Variants in BLCAP observed in about 807,000 individuals in gnomAD.
The protein encoded by BLCAP is apoptosis inducing factor BLCAP.
In BLCAP, 1 loss-of-function variant was observed where a neutral mutation model predicts 5.7. That is an observed-to-expected ratio of 0.18 (90% CI 0.06 to 0.83). The LOEUF (loss-of-function observed/expected upper bound fraction) is 0.83. Ranked by LOEUF, BLCAP falls within the 40% of genes least tolerant of loss-of-function variation. The pLI is 0.71. For missense variants in BLCAP, 66 were observed against 107.6 expected (o/e 0.61, Z 1.71); for synonymous variants, 48 against 49.4 (o/e 0.97, Z 0.11).
intron 1 of BLCAP, among the ~76,000 whole-genome samples, chr20:37,522,116 A>G (rs1190699316): frequency 6.6e-6 from 1 of 151,310 alleles, no homozygotes; most frequent in Non-Finnish European, 1.5e-5. Context: ...ATTAGAGGAA[A>G]AAGCCCCTCG....
chr20:37,522,005 C>T (rs1050233150), intron 1 of BLCAP, among the ~76,000 whole-genome samples: 2 of 147,332 alleles, frequency 1.4e-5, no homozygotes, highest in Non-Finnish European at 3.0e-5. Flanking sequence ...AAGCACTTGG[C>T]AGAAAAAAAT....
intron 1 of BLCAP, chr20:37,522,937 G>A (rs907414408): frequency 6.8e-6 from 4 of 584,522 alleles, no homozygotes; most frequent in Admixed American, 3.1e-5. Flanking sequence ...CGACAATGAC[G>A]AAGATACCAG....
chr20:37,521,105 T>C lies in BLCAP; in HGVS notation c.-176-1755A>G. ...GGAACTCAGGAGGCGGGGGTCGGTA[T>C]GGAAAGAGCAGATGGATTATTTTTT... On this transcript the variant is annotated intron_variant, in intron 1 of 1. Coordinates refer to ENST00000373537, the MANE Select transcript of BLCAP (RefSeq NM_006698.4). The surrounding 1 kb of genome is among the most constrained non-coding windows in gnomAD (Gnocchi z 4.5). The C allele has an allele frequency of 3.5e-6, 2 of 576,106 alleles. No homozygotes were observed. The highest frequency in any genetic ancestry group is 6.2e-6 in the Non-Finnish European group (2 of 320,752). The allele number at this position is 576,106 out of a possible 1,614,324, so 35.7% of individuals were successfully genotyped here. A position where few individuals can be genotyped will look rare whatever the true frequency, so the allele number is the denominator to read the frequency against.
Position 37,518,912 on chromosome 20 carries a change from T to C in BLCAP, c.263A>G (p.Ter88=), listed in dbSNP as rs2147182123. The C allele has an allele frequency of 6.2e-7, 1 of 1,614,038 alleles. No homozygotes were observed. The highest frequency in any genetic ancestry group is 2.2e-5 in the East Asian group (1 of 44,878). The change falls in exon 2 of 2, where the codon TAA becomes TGA. Residue 88 remains the stop codon, a stop_retained_variant. Coordinates refer to ENST00000373537, the MANE Select transcript of BLCAP (RefSeq NM_006698.4). ...SAHDPGVVGT[*] ...TTGGAAAGCTAACAGGGCAGGCCGT[T>C]AGGTGCCCACAACGCCGGGATCATG...
Position 37,521,209 on chromosome 20 carries a change from T to G in BLCAP, c.-176-1859A>C. Reference sequence around the variant, plus strand: ...CCCAAGGCGCGCATGCGCACTTAGGTGGCGGGCGGGTACTTAAGGCGCGGC... The same window carrying G: ...CCCAAGGCGCGCATGCGCACTTAGGGGGCGGGCGGGTACTTAAGGCGCGGC... On this transcript the variant is annotated intron_variant, in intron 1 of 1. Coordinates refer to ENST00000373537, the MANE Select transcript of BLCAP (RefSeq NM_006698.4). This position sits in a 1 kb window ranked among gnomAD's most constrained non-coding sequence, Gnocchi z 4.5. 1 of 955,182 alleles carries G rather than the reference T, an allele frequency of 1.0e-6. No homozygotes were observed. Among genetic ancestry groups the G allele is most frequent in the Non-Finnish European group, 1.7e-6 (1 of 595,322 alleles). The allele number at this position is 955,182 out of a possible 1,614,324, so 59.2% of individuals were successfully genotyped here.
intron 1 of BLCAP, chr20:37,526,909 G>A (rs1458034522): frequency 6.6e-6 from 1 of 152,164 alleles, no homozygotes; most frequent in Non-Finnish European, 1.5e-5. Context: ...AAGGCTGACG[G>A]GATGACTGGA....
chr20:37,518,580 G>A lies in BLCAP; in HGVS notation c.*331C>T, dbSNP rs2071454631. On this transcript the variant is annotated 3_prime_UTR_variant, in exon 2 of 2. Coordinates refer to ENST00000373537, the MANE Select transcript of BLCAP (RefSeq NM_006698.4). ...TGACAATGAGACTGGCATTTTATCT[G>A]CCCCAGGTCACATTGGGGCAGCTGA... 3 of 263,734 alleles carry A rather than the reference G, an allele frequency of 1.1e-5. No individual in the cohort carries two copies. Among genetic ancestry groups the A allele is most frequent in the Non-Finnish European group, 2.2e-5 (3 of 136,440 alleles). The allele number at this position is 263,734 out of a possible 1,614,324, so 16.3% of individuals were successfully genotyped here. A position where few individuals can be genotyped will look rare whatever the true frequency, so the allele number is the denominator to read the frequency against.
intron 1 of BLCAP, among the ~76,000 whole-genome samples, chr20:37,524,991 G>A (rs1358753651): frequency 6.6e-6 from 1 of 152,196 alleles, no homozygotes; most frequent in African/African-American, 2.4e-5. Context: ...AGGACTTGAA[G>A]AGGATGTGCA....
rs999051912 is a variant in BLCAP at position 37,519,339 on chromosome 20, G to C, written c.-165C>G. On this transcript the variant is annotated 5_prime_UTR_variant, in exon 2 of 2. Coordinates refer to ENST00000373537, the MANE Select transcript of BLCAP (RefSeq NM_006698.4). Reference sequence around the variant, plus strand: ...TGGCTGTCAGCCCGGGATCACCAAGGCAGCAGGGATCCTGAAGAGAAAAGT... The same window carrying C: ...TGGCTGTCAGCCCGGGATCACCAAGCCAGCAGGGATCCTGAAGAGAAAAGT... 4 of 576,820 alleles carry C rather than the reference G, an allele frequency of 6.9e-6. No individual in the cohort carries two copies. In the Admixed American group the frequency reaches 1.6e-4, roughly 23 times the overall value. The allele number at this position is 576,820 out of a possible 1,614,324, so 35.7% of individuals were successfully genotyped here.
rs1379821558 is a variant in BLCAP at position 37,521,853 on chromosome 20, C to T, written c.-176-2503G>A. Among the ~76,000 whole-genome samples the T allele has an allele frequency of 7.4e-6, 1 of 135,842 alleles. No individual in the cohort carries two copies. The highest frequency in any genetic ancestry group is 1.6e-5 in the Non-Finnish European group (1 of 62,846). The allele number at this position is 135,842 out of a possible 152,430, so 89.1% of individuals were successfully genotyped here. ...ACATATAGCGCTTGCGGGGGTGGAA[C>T]AAAAAATAAGTTAGAAAAAGGCACT... On this transcript the variant is annotated intron_variant, in intron 1 of 1. Transcript: ENST00000373537. The surrounding 1 kb of genome is among the most constrained non-coding windows in gnomAD (Gnocchi z 4.5).
At position 37,518,692 on chromosome 20, in the gene BLCAP, A is replaced by G; in HGVS notation, c.*219T>C. On this transcript the variant is annotated 3_prime_UTR_variant, in exon 2 of 2. Coordinates refer to ENST00000373537, the MANE Select transcript of BLCAP (RefSeq NM_006698.4). ...GGACCTAGATGGGGACAGAACACAC[A>G]CAACCACAAGACCACCCACGACTAT... The G allele has an allele frequency of 1.5e-6, 1 of 658,246 alleles. No individual in the cohort carries two copies. Among genetic ancestry groups the G allele is most frequent in the Non-Finnish European group, 2.5e-6 (1 of 398,028 alleles). 40.8% of individuals were successfully genotyped at this position (658,246 alleles called of 1,614,324 possible).
chr20:37,522,189 A>AT (rs1555806945), intron 1 of BLCAP, among the ~76,000 whole-genome samples: 39,354 of 73,600 alleles, frequency 0.53, 6,270 homozygotes, highest in South Asian at 0.66. Context: ...ACAAAAAAAA[A>AT]AATAATAATA....
rs184667493 is a variant in BLCAP at position 37,526,284 on chromosome 20, G to A, written c.-177+1509C>T. Among the ~76,000 whole-genome samples the A allele has an allele frequency of 1.8e-3, 139 of 77,848 alleles. 1 individual carries two copies. The highest frequency in any genetic ancestry group is 4.9e-3 in the African/African-American group (99 of 20,154). The allele number at this position is 77,848 out of a possible 152,430, so 51.1% of individuals were successfully genotyped here. A position where few individuals can be genotyped will look rare whatever the true frequency, so the allele number is the denominator to read the frequency against. ...TTGCAGTTAACTTCCCCCCCCCACC[G>A]CCCCCACCCCCCCTCAGAGATTTAA... On this transcript the variant is annotated intron_variant, in intron 1 of 1. Transcript: ENST00000373537.
At chr20:37,522,180 C>CAAA (rs34619095) in intron 1 of BLCAP, among the ~76,000 whole-genome samples, 22 of 104,790 alleles carry the variant, frequency 2.1e-4, no homozygotes, top group African/African-American at 4.1e-4. Context: ...AATTGCTTTA[C>CAAA]AAAAAAAAAA....
chr20:37,521,246 C>A lies in BLCAP; in HGVS notation c.-176-1896G>T, dbSNP rs981846134. The A allele has an allele frequency of 2.1e-6, 3 of 1,404,570 alleles. No individual in the cohort carries two copies. The highest frequency in any genetic ancestry group is 3.0e-6 in the Non-Finnish European group (3 of 992,144). 87.0% of individuals were successfully genotyped at this position (1,404,570 alleles called of 1,614,324 possible). ...ACTTAAGGCGCGGCCACCGCGGCTG[C>A]GGCAGTGCGCCCAACAGCGGACTCC... On this transcript the variant is annotated intron_variant, in intron 1 of 1. Transcript: ENST00000373537. The surrounding 1 kb of genome is among the most constrained non-coding windows in gnomAD (Gnocchi z 4.5).
intron 1 of BLCAP, among the ~76,000 whole-genome samples, chr20:37,522,155 C>T (rs186936870): frequency 5.7e-5 from 8 of 139,868 alleles, no homozygotes; most frequent in African/African-American, 1.9e-4. Flanking sequence ...AAAAAAAGCA[C>T]TTCCAAAAAA....
chr20:37,519,404 C>CAAAAAAAAAAAAA (rs543149253), intron 1 of BLCAP, 54 bp from the exon 2 acceptor site: 4 of 42,958 alleles, frequency 9.3e-5, no homozygotes, highest in Non-Finnish European at 1.3e-4. Flanking sequence ...GACAGACAGA[C>CAAAAAAAAAAAAA]AAAAAAAAAA....
rs1041262029 is a variant in BLCAP at position 37,518,584 on chromosome 20, C to G, written c.*327G>C. 3.6e-6 allele frequency: 1 copy of G among 274,404 alleles called. No homozygotes were observed. Among genetic ancestry groups the G allele is most frequent in the Non-Finnish European group, 7.0e-6 (1 of 143,226 alleles). The allele number at this position is 274,404 out of a possible 1,614,324, so 17.0% of individuals were successfully genotyped here. On this transcript the variant is annotated 3_prime_UTR_variant, in exon 2 of 2. Coordinates refer to ENST00000373537, the MANE Select transcript of BLCAP (RefSeq NM_006698.4). ...AATGAGACTGGCATTTTATCTGCCC[C>G]AGGTCACATTGGGGCAGCTGACCAG...
At chr20:37,526,862 AC>A (rs2071730761) in intron 1 of BLCAP, 1 of 152,190 alleles carries the variant, frequency 6.6e-6, no homozygotes, top group Non-Finnish European at 1.5e-5. Flanking sequence ...TTAAGCTGGA[AC>A]TTTTTTTTGG....
Sources: gnomAD v4.1 joint callset for allele counts (sites outside exome capture counted in the v4.1 genomes callset) on GRCh38, gnomAD v4.1.1 for gene constraint, Gnocchi (gnomAD v3.1) non-coding constraint, MANE v1.5 for transcripts, NCBI Gene and HGNC (gene_info 2026-07-23, HGNC 2026-07-21) for gene names.